The following STXBP5L variants were observed in gnomAD, a reference collection of about 807,000 sequenced individuals.
STXBP5L encodes the protein syntaxin-binding protein 5-like.
In STXBP5L, 65 loss-of-function variants were observed where a neutral mutation model predicts 144.5. The ratio of observed to expected loss-of-function variants is 0.45; its 90% CI spans 0.37 to 0.55. The LOEUF (loss-of-function observed/expected upper bound fraction) is 0.55, where lower values mean the gene tolerates loss of function less well. STXBP5L is among the 20% of genes least tolerant of loss of function. The pLI, the probability that STXBP5L is intolerant of heterozygous loss-of-function variation, is 0.00. For missense variants in STXBP5L, 1,298 were observed against 1,405.5 expected, an observed-to-expected ratio of 0.92 and a Z score of 1.22; for synonymous variants, 505 against 469.6, an observed-to-expected ratio of 1.08 and a Z score of -0.97.
chr3:121,177,110 G>A (rs988594150), intron 9 of STXBP5L, among the ~76,000 whole-genome samples: 9 of 151,906 alleles, frequency 5.9e-5, no homozygotes, highest in Non-Finnish European at 1.0e-4. Context: ...AAAAATATGG[G>A]TGGCATCAGA....
intron 10 of STXBP5L, among the ~76,000 whole-genome samples, chr3:121,207,280 T>G (rs2048372500): frequency 6.6e-6 from 1 of 152,192 alleles, no homozygotes; most frequent in Non-Finnish European, 1.5e-5. Flanking sequence ...GCTAGCCATA[T>G]GTAGAAACCT....
intron 7 of STXBP5L, among the ~76,000 whole-genome samples, chr3:121,133,086 A>T (rs984162606): frequency 6.6e-6 from 1 of 152,160 alleles, no homozygotes; most frequent in Admixed American, 6.6e-5. Context: ...ACAAATGATG[A>T]GAGCTAGGTA....
chr3:121,073,748 G>A (rs112898410), intron 5 of STXBP5L, among the ~76,000 whole-genome samples: 2 of 152,230 alleles, frequency 1.3e-5, no homozygotes, highest in African/African-American at 2.4e-5. Context: ...TTATACAATG[G>A]TTTTGCCAAA....
chr3:121,094,699 A>T (rs1418689634), intron 5 of STXBP5L, among the ~76,000 whole-genome samples: 1 of 152,220 alleles, frequency 6.6e-6, no homozygotes, highest in Non-Finnish European at 1.5e-5. Context: ...TGAATACAAC[A>T]CACTGATGGG....
At chr3:121,117,830 G>C (rs1031286411) in intron 6 of STXBP5L, among the ~76,000 whole-genome samples, 5 of 151,502 alleles carry the variant, frequency 3.3e-5, no homozygotes, top group Non-Finnish European at 7.4e-5. Flanking sequence ...TGGTTATTTG[G>C]AACCTGGGAC....
intron 3 of STXBP5L, among the ~76,000 whole-genome samples, chr3:121,005,751 A>G (rs1460121850): frequency 2.0e-5 from 3 of 151,926 alleles, no homozygotes; most frequent in African/African-American, 4.8e-5. Flanking sequence ...GGTATGTTGT[A>G]TCTTTGTTCT....
chr3:121,352,433 C>T (rs1420427634), intron 20 of STXBP5L, among the ~76,000 whole-genome samples: 1 of 151,998 alleles, frequency 6.6e-6, no homozygotes, highest in Admixed American at 6.6e-5. Flanking sequence ...GTATTTTATT[C>T]TCCTTGTAGC....
chr3:121,105,936 A>T (rs1469462573), intron 5 of STXBP5L, among the ~76,000 whole-genome samples: 2 of 152,142 alleles, frequency 1.3e-5, no homozygotes, highest in Non-Finnish European at 2.9e-5. Context: ...TTTATACCTA[A>T]GTAAAATTTC....
chr3:121,104,852 C>G (rs1257787004), intron 5 of STXBP5L, among the ~76,000 whole-genome samples: 3 of 151,398 alleles, frequency 2.0e-5, no homozygotes, highest in Non-Finnish European at 4.4e-5. Flanking sequence ...AGCTCATGAC[C>G]AAGATGCGAC....
intron 3 of STXBP5L, among the ~76,000 whole-genome samples, chr3:121,037,083 T>A (rs1946812831): frequency 1.3e-5 from 2 of 151,940 alleles, no homozygotes; most frequent in Admixed American, 6.6e-5. Context: ...CACATTATCA[T>A]GCACAGCTAA....
At chr3:121,326,526 A>G (rs991965367) in intron 20 of STXBP5L, among the ~76,000 whole-genome samples, 2 of 152,046 alleles carry the variant, frequency 1.3e-5, no homozygotes, top group African/African-American at 4.8e-5. Context: ...TTTAATCTAA[A>G]CAACTTTTAT....
chr3:121,046,724 A>G (rs1947541952), intron 5 of STXBP5L, among the ~76,000 whole-genome samples: 1 of 151,726 alleles, frequency 6.6e-6, no homozygotes, highest in Non-Finnish European at 1.5e-5. Flanking sequence ...GGCATTTATG[A>G]TTGTTTATTT....
chr3:121,241,915 T>C (rs994120529), intron 14 of STXBP5L, among the ~76,000 whole-genome samples: 9 of 152,252 alleles, frequency 5.9e-5, no homozygotes, highest in African/African-American at 2.2e-4. Flanking sequence ...ATCTGACCTA[T>C]GGGGCCAAAC....
At chr3:121,240,757 A>G (rs2049638781) in intron 14 of STXBP5L, among the ~76,000 whole-genome samples, 1 of 152,222 alleles carries the variant, frequency 6.6e-6, no homozygotes, top group South Asian at 2.1e-4. Context: ...GTCATGAGAT[A>G]TTAGTCTTCA....
intron 3 of STXBP5L, among the ~76,000 whole-genome samples, chr3:120,963,088 G>T (rs932385894): frequency 6.6e-6 from 1 of 152,182 alleles, no homozygotes; most frequent in Non-Finnish European, 1.5e-5. Context: ...TCTGTTAATG[G>T]TGTATAAGAA....
chr3:121,270,665 C>T (rs1414833629), intron 18 of STXBP5L, among the ~76,000 whole-genome samples: 1 of 152,164 alleles, frequency 6.6e-6, no homozygotes, highest in African/African-American at 2.4e-5. Context: ...GTTGACCAGG[C>T]TGGCCTTGAA....
chr3:121,110,708 G>T (rs897817116), intron 5 of STXBP5L, among the ~76,000 whole-genome samples: 7 of 152,022 alleles, frequency 4.6e-5, no homozygotes, highest in African/African-American at 1.7e-4. Flanking sequence ...TGTGCCTTGG[G>T]GGTTGATCTT....
chr3:120,961,405 T>A (rs1938798795), intron 3 of STXBP5L, among the ~76,000 whole-genome samples: 1 of 152,118 alleles, frequency 6.6e-6, no homozygotes, highest in Non-Finnish European at 1.5e-5. Flanking sequence ...GTATTTCTCC[T>A]AATGCTATCC....
intron 25 of STXBP5L, among the ~76,000 whole-genome samples, chr3:121,416,950 A>C (rs539196500): frequency 1.1e-3 from 173 of 152,344 alleles, no homozygotes; most frequent in African/African-American, 3.9e-3. Flanking sequence ...AAAAACATCT[A>C]GGTTCCTTCA....
Sources: allele counts gnomAD v4.1 joint callset (sites outside exome capture counted in the v4.1 genomes callset), GRCh38; gene constraint gnomAD v4.1.1; transcripts MANE v1.5; gene names NCBI Gene and HGNC (gene_info 2026-07-23, HGNC 2026-07-21).